The following BBS9 variants were observed in gnomAD, a reference collection of about 807,000 sequenced individuals.
BBS9 encodes the protein Bardet-Biedl syndrome 9, also known as protein PTHB1.
In BBS9, 89 loss-of-function variants were observed where a neutral mutation model predicts 117.7. That is an observed-to-expected ratio of 0.76 (90% confidence interval 0.64 to 0.90). The LOEUF is 0.90. Ranked by LOEUF, BBS9 falls within the 40% of genes least tolerant of loss-of-function variation. The pLI, the probability that BBS9 is intolerant of heterozygous loss-of-function variation, is 0.00. For missense variants in BBS9, 982 were observed against 1,042.2 expected, an observed-to-expected ratio of 0.94 and a Z score of 0.80; for synonymous variants, 379 against 370.9, an observed-to-expected ratio of 1.02 and a Z score of -0.25.
intron 5 of BBS9, among the ~76,000 whole-genome samples, chr7:33,217,559 C>T (rs1789319661): frequency 6.6e-6 from 1 of 152,190 alleles, no homozygotes; most frequent in South Asian, 2.1e-4. Context: ...ATATAATGTT[C>T]ATAATACAAA....
At chr7:33,239,274 C>T (rs1198588939) in intron 5 of BBS9, among the ~76,000 whole-genome samples, 1 of 152,168 alleles carries the variant, frequency 6.6e-6, no homozygotes, top group Non-Finnish European at 1.5e-5. Flanking sequence ...AGGATTTAAA[C>T]TAAACTTTCT....
chr7:33,543,526 C>A (rs1852757389), intron 21 of BBS9, among the ~76,000 whole-genome samples: 1 of 152,152 alleles, frequency 6.6e-6, no homozygotes, highest in Admixed American at 6.5e-5. Context: ...GTCATGAAAT[C>A]CTTGCCTAAG....
chr7:33,488,121 A>T (rs552922273), intron 19 of BBS9, among the ~76,000 whole-genome samples: 1 of 152,304 alleles, frequency 6.6e-6, no homozygotes, highest in Admixed American at 6.5e-5. Context: ...CTCTCCAGCC[A>T]ACTGTATTCA....
chr7:33,348,978 T>C (rs1203743884), intron 12 of BBS9, 90 bp from the exon 13 acceptor site: 8 of 896,736 alleles, frequency 8.9e-6, no homozygotes, highest in African/African-American at 3.3e-5. Flanking sequence ...TATTTTCTAA[T>C]TATTTGCTAG....
At chr7:33,428,867 G>C (rs1046308469) in intron 19 of BBS9, among the ~76,000 whole-genome samples, 6 of 152,136 alleles carry the variant, frequency 3.9e-5, no homozygotes, top group African/African-American at 1.4e-4. Context: ...CTACTTGTTA[G>C]AAATTTTTTG....
intron 19 of BBS9, among the ~76,000 whole-genome samples, chr7:33,411,873 G>A (rs908820475): frequency 1.3e-5 from 2 of 152,030 alleles, no homozygotes; most frequent in African/African-American, 2.4e-5. Context: ...TTATAATATG[G>A]TGTATAGCCT....
At chr7:33,321,804 G>A (rs958460951) in intron 9 of BBS9, among the ~76,000 whole-genome samples, 2 of 152,006 alleles carry the variant, frequency 1.3e-5, no homozygotes, top group African/African-American at 4.8e-5. Context: ...CCAGATCTTA[G>A]AGGAAAGGCT....
chr7:33,239,865 G>C (rs1794183353), intron 5 of BBS9, among the ~76,000 whole-genome samples: 1 of 152,002 alleles, frequency 6.6e-6, no homozygotes, highest in African/African-American at 2.4e-5. Flanking sequence ...AATTAGCCAG[G>C]CATGGTGGTG....
rs546044504 is a variant in BBS9, at chr7:33,521,791, C to A, written c.2299-12163C>A. ...TTTAAGTTTTAGGGTACATGTGCAC[C>A]TTGTGCAGGTTAGTTACATATGTAT... is the stretch of plus-strand genomic sequence containing the variant. On this transcript the variant is annotated intron_variant, in intron 20 of 22. Transcript: ENST00000242067. Among the ~76,000 whole-genome samples the A allele has an allele frequency of 4.0e-3, 597 of 150,058 alleles. 8 individuals are homozygous for A. The highest frequency in any genetic ancestry group is 0.014 in the African/African-American group (565 of 40,752).
intron 4 of BBS9, among the ~76,000 whole-genome samples, chr7:33,173,903 T>C (rs906722968): frequency 3.9e-5 from 6 of 152,214 alleles, no homozygotes; most frequent in Non-Finnish European, 5.9e-5. Flanking sequence ...CCTATCTAAG[T>C]GTGCAAGAAA....
chr7:33,557,942 T>C (rs943148212), intron 21 of BBS9, among the ~76,000 whole-genome samples: 6 of 152,254 alleles, frequency 3.9e-5, no homozygotes, highest in South Asian at 4.1e-4. Context: ...TTCAAGGTTA[T>C]GGCCTGTGGC....
chr7:33,277,273 T>C (rs1483273065), intron 9 of BBS9, among the ~76,000 whole-genome samples: 1 of 152,168 alleles, frequency 6.6e-6, no homozygotes, highest in African/African-American at 2.4e-5. Context: ...TGACGAGAAA[T>C]CACAGCACTT....
At chr7:33,522,282 A>C (rs911287620) in intron 20 of BBS9, among the ~76,000 whole-genome samples, 1 of 152,110 alleles carries the variant, frequency 6.6e-6, no homozygotes, top group African/African-American at 2.4e-5. Flanking sequence ...TTGTTGGGTC[A>C]AATGGTATTT....
chr7:33,597,216 A>C (rs925880159), intron 21 of BBS9, among the ~76,000 whole-genome samples: 2 of 152,064 alleles, frequency 1.3e-5, no homozygotes, highest in African/African-American at 2.4e-5. Context: ...CATTCCTCAC[A>C]CTGCACATGA....
chr7:33,170,204 T>C (rs574676520), intron 4 of BBS9, among the ~76,000 whole-genome samples: 77 of 151,120 alleles, frequency 5.1e-4, no homozygotes, highest in African/African-American at 1.8e-3. Flanking sequence ...AAATCCTCAA[T>C]AAAATACTGG....
At chr7:33,356,015 T>A (rs1323795410) in intron 15 of BBS9, among the ~76,000 whole-genome samples, 1 of 151,814 alleles carries the variant, frequency 6.6e-6, no homozygotes, top group Non-Finnish European at 1.5e-5. Context: ...CAGAATTTGG[T>A]TGAAAGTGTA....
At chr7:33,502,125 C>G (rs1223200921) in intron 19 of BBS9, among the ~76,000 whole-genome samples, 1 of 152,092 alleles carries the variant, frequency 6.6e-6, no homozygotes, top group African/African-American at 2.4e-5. Context: ...GGCCAGGCTG[C>G]TCTCGAATGC....
At chr7:33,341,018 ACT>A (rs767015479) in intron 11 of BBS9, 45 bp downstream of exon 11, 10 of 1,538,370 alleles carry the variant, frequency 6.5e-6, no homozygotes, top group South Asian at 5.6e-5. Flanking sequence ...AGAGTGGTAA[ACT>A]CTGATGAATT....
chr7:33,404,518 A>C (rs927798199), intron 19 of BBS9, among the ~76,000 whole-genome samples: 16 of 152,098 alleles, frequency 1.1e-4, no homozygotes, highest in South Asian at 8.3e-4. Context: ...CTTTTATTTC[A>C]TTGAGCAGTG....
Sources: gnomAD v4.1 joint callset for allele counts (sites outside exome capture counted in the v4.1 genomes callset) on GRCh38, gnomAD v4.1.1 for gene constraint, MANE v1.5 for transcripts, NCBI Gene and HGNC (gene_info 2026-07-23, HGNC 2026-07-21) for gene names.